The following SHANK2 variants were observed in gnomAD, a reference collection of about 807,000 sequenced individuals.
SHANK2 encodes SH3 and multiple ankyrin repeat domains 2.
SHANK2 carries 43 observed loss-of-function variants against 133.7 expected under a neutral mutation model. The observed-to-expected ratio is 0.32, with a 90% CI of 0.25 to 0.41. The LOEUF (loss-of-function observed/expected upper bound fraction) is 0.41, where lower values mean the gene tolerates loss of function less well. SHANK2 is among the 10% of genes least tolerant of loss of function. The pLI is 1.00. For missense variants in SHANK2, 1,994 were observed against 2,235.8 expected (o/e 0.89, Z 2.18); for synonymous variants, 1,017 against 952.8 (o/e 1.07, Z -1.24).
intron 2 of SHANK2, among the ~76,000 whole-genome samples, chr11:71,172,740 C>T (rs1220410160): frequency 6.6e-6 from 1 of 152,216 alleles, no homozygotes. Context: ...TAAAGGCACT[C>T]CCCCATGAGA....
intron 2 of SHANK2, among the ~76,000 whole-genome samples, chr11:71,148,123 C>T (rs530367545): frequency 1.3e-4 from 20 of 148,798 alleles, no homozygotes; most frequent in African/African-American, 2.7e-4. Context: ...TCACTCTTGT[C>T]GCCCAGGCTG....
intron 14 of SHANK2, among the ~76,000 whole-genome samples, chr11:70,795,406 T>C (rs1344025245): frequency 2.4e-5 from 2 of 82,642 alleles, no homozygotes; most frequent in African/African-American, 6.9e-5. Context: ...TCTTTCTTTT[T>C]CTTTTTTTTT....
At chr11:70,539,540 C>T (rs1381290786) in intron 17 of SHANK2, among the ~76,000 whole-genome samples, 1 of 152,220 alleles carries the variant, frequency 6.6e-6, no homozygotes, top group Non-Finnish European at 1.5e-5. Context: ...TCACTCGCCA[C>T]GCTCACTCAC....
At chr11:71,145,572 C>T (rs1952628093) in intron 3 of SHANK2, among the ~76,000 whole-genome samples, 1 of 152,210 alleles carries the variant, frequency 6.6e-6, no homozygotes, top group Non-Finnish European at 1.5e-5. Context: ...GGACCGCAAG[C>T]TGCTGGCACT....
intron 14 of SHANK2, among the ~76,000 whole-genome samples, chr11:70,743,949 C>T (rs1389568427): frequency 6.6e-6 from 1 of 152,212 alleles, no homozygotes; most frequent in African/African-American, 2.4e-5. Flanking sequence ...GTCCACTGCA[C>T]CTCCTTCTGC....
At chr11:71,129,545 T>A (rs1952257714) in intron 3 of SHANK2, among the ~76,000 whole-genome samples, 1 of 152,158 alleles carries the variant, frequency 6.6e-6, no homozygotes, top group Non-Finnish European at 1.5e-5. Context: ...CTCTGGAGGC[T>A]GAGATAGAAG....
At chr11:70,909,645 C>T (rs782593985) in intron 10 of SHANK2, among the ~76,000 whole-genome samples, 6 of 152,104 alleles carry the variant, frequency 3.9e-5, no homozygotes, top group Non-Finnish European at 5.9e-5. Context: ...CATTCGATTC[C>T]AAAGCCTAGG....
intron 17 of SHANK2, among the ~76,000 whole-genome samples, chr11:70,523,298 A>C (rs1265399059): frequency 1.3e-5 from 2 of 152,180 alleles, no homozygotes; most frequent in Non-Finnish European, 2.9e-5. Flanking sequence ...CAGGTGCTCT[A>C]TAAATACTAT....
At chr11:71,058,990 G>A (rs909109004) in intron 9 of SHANK2, among the ~76,000 whole-genome samples, 90 of 152,216 alleles carry the variant, frequency 5.9e-4, no homozygotes, top group South Asian at 8.3e-4. Flanking sequence ...TGAGATGGGC[G>A]GATCACCTGA....
At chr11:70,728,186 T>A (rs781860943) in intron 14 of SHANK2, among the ~76,000 whole-genome samples, 1 of 152,148 alleles carries the variant, frequency 6.6e-6, no homozygotes. Context: ...CAAAGGGCAG[T>A]GCTTGGTTAG....
intron 10 of SHANK2, among the ~76,000 whole-genome samples, chr11:70,905,869 T>G (rs1247920598): frequency 1.3e-5 from 2 of 151,216 alleles, no homozygotes; most frequent in African/African-American, 4.9e-5. Flanking sequence ...TTGAGTGCAG[T>G]GGCACGATCT....
chr11:71,180,775 A>T (rs1435043196), intron 2 of SHANK2, among the ~76,000 whole-genome samples: 1 of 152,022 alleles, frequency 6.6e-6, no homozygotes, highest in Non-Finnish European at 1.5e-5. Flanking sequence ...TGAAGCTACA[A>T]CCCAAGAAGG....
chr11:70,733,006 C>G (rs187442444), intron 14 of SHANK2, among the ~76,000 whole-genome samples: 1 of 152,206 alleles, frequency 6.6e-6, no homozygotes, highest in Non-Finnish European at 1.5e-5. Context: ...CAGATGCTGC[C>G]GATGGAGTGA....
intron 17 of SHANK2, among the ~76,000 whole-genome samples, chr11:70,525,778 C>T: frequency 6.6e-6 from 1 of 152,082 alleles, no homozygotes; most frequent in Non-Finnish European, 1.5e-5. Context: ...CCAGCTAACC[C>T]CCCTCCTAGC....
At chr11:70,543,542 A>G (rs1208657397) in intron 17 of SHANK2, among the ~76,000 whole-genome samples, 4 of 152,168 alleles carry the variant, frequency 2.6e-5, no homozygotes, top group African/African-American at 9.7e-5. Context: ...GAATAGATGA[A>G]CACGTGGAGG....
intron 1 of SHANK2, among the ~76,000 whole-genome samples, chr11:71,251,979 G>C (rs4373965): frequency 0.013 from 2,009 of 152,210 alleles, 44 homozygotes; most frequent in African/African-American, 0.046. Context: ...CGCTGGCCCG[G>C]GTCCTAGGGC....
chr11:71,080,991 G>A (rs924534723), intron 8 of SHANK2, among the ~76,000 whole-genome samples: 11 of 152,294 alleles, frequency 7.2e-5, no homozygotes, highest in South Asian at 2.1e-4. Context: ...GCATTCATGC[G>A]TTGGAGTCCC....
At chr11:71,222,764 C>T (rs2135735888) in intron 2 of SHANK2, among the ~76,000 whole-genome samples, 1 of 152,362 alleles carries the variant, frequency 6.6e-6, no homozygotes, top group Non-Finnish European at 1.5e-5. Context: ...TCAGTCTGCT[C>T]CTGCTCTAGG....
At chr11:71,081,051 A>T (rs938316710) in intron 8 of SHANK2, among the ~76,000 whole-genome samples, 4 of 152,102 alleles carry the variant, frequency 2.6e-5, no homozygotes, top group East Asian at 3.9e-4. Flanking sequence ...GTCTTTCGAG[A>T]GGTGATTAAG....
Sources: gnomAD v4.1 joint callset for allele counts (sites outside exome capture counted in the v4.1 genomes callset) on GRCh38, gnomAD v4.1.1 for gene constraint, MANE v1.5 for transcripts, NCBI Gene and HGNC (gene_info 2026-07-23, HGNC 2026-07-21) for gene names.